The following KIAA0586 variants were observed in gnomAD, a reference collection of about 807,000 sequenced individuals.
KIAA0586 encodes the protein protein TALPID3.
In KIAA0586, 144 loss-of-function variants were observed where a neutral mutation model predicts 169.8. The observed-to-expected ratio is 0.85, with a 90% CI of 0.74 to 0.97. The LOEUF (loss-of-function observed/expected upper bound fraction) is 0.97, where lower values mean the gene tolerates loss of function less well. KIAA0586 is among the 50% of genes least tolerant of loss of function. The probability of loss-of-function intolerance (pLI) is 0.00; values close to 1 mark genes in which losing one functional copy is unlikely to be tolerated. For synonymous variants in KIAA0586, 625 were observed against 612.4 expected (o/e 1.02, Z -0.30); for missense variants, 1,854 against 1,823.0 (o/e 1.02, Z -0.31).
Position 58,460,106 on chromosome 14 carries a change from GT to G in KIAA0586, c.1884+37del, listed in dbSNP as rs1239828254. ...AATCTGTTCTTTTAACATAATTGTT[GT>G]GTTATAATTGATCATTTCCTTTAAG... On this transcript the variant is annotated intron_variant, in intron 13 of 30. Coordinates refer to ENST00000652326, the MANE Select transcript of KIAA0586 (RefSeq NM_001329943.3). 2.5e-6 allele frequency: 3 copies of G among 1,188,500 alleles called. No homozygotes were observed. The East Asian group carries it at 7.7e-5, about 31-fold the overall frequency. 73.6% of individuals were successfully genotyped at this position (1,188,500 alleles called of 1,614,324 possible).
chr14:58,494,114 T>C (rs1261471850), intron 26 of KIAA0586, among the ~76,000 whole-genome samples: 1 of 151,942 alleles, frequency 6.6e-6, no homozygotes, highest in East Asian at 1.9e-4. Context: ...TTTTTTTTTC[T>C]TCCTTTCATT....
At chr14:58,434,739 G>A (rs1294326284) in intron 4 of KIAA0586, among the ~76,000 whole-genome samples, 6 of 152,172 alleles carry the variant, frequency 3.9e-5, no homozygotes, top group African/African-American at 1.4e-4. Context: ...ACCAGCCACT[G>A]TCCTCTGCAC....
intron 26 of KIAA0586, 97 bp from the exon 27 acceptor site, chr14:58,498,686 G>C: frequency 6.0e-6 from 6 of 995,256 alleles, no homozygotes; most frequent in Non-Finnish European, 8.6e-6. Context: ...TACCTTCCAA[G>C]GAGTCAAAGG....
chr14:58,427,532 A>G, upstream of KIAA0586: 2 of 1,498,150 alleles, frequency 1.3e-6, no homozygotes, highest in Non-Finnish European at 1.8e-6. Context: ...GTGCTACCTT[A>G]AAATAAATAA....
In KIAA0586 at chr14:58,427,807, T is replaced by C; in HGVS notation, c.-458T>C. 6.7e-7 allele frequency: 1 copy of C among 1,500,148 alleles called. No individual in the cohort carries two copies. Among genetic ancestry groups the C allele is most frequent in the South Asian group, 1.3e-5 (1 of 78,520 alleles). The allele number at this position is 1,500,148 out of a possible 1,614,324, so 92.9% of individuals were successfully genotyped here. ...AATTTATGTTTCCGACGATTGCATC[T>C]GGAGGGGTGTGTAAGACTCTGTGGC... On this transcript the variant is annotated 5_prime_UTR_variant, in exon 1 of 31. Transcript: ENST00000652326.
intron 28 of KIAA0586, among the ~76,000 whole-genome samples, chr14:58,510,228 G>A (rs868853370): frequency 1.3e-5 from 2 of 152,170 alleles, no homozygotes; most frequent in Middle Eastern, 3.2e-3. Flanking sequence ...AATTAGCTGG[G>A]TGTGGTGGTG....
chr14:58,460,671 G>T (rs2040248503), intron 13 of KIAA0586, among the ~76,000 whole-genome samples: 1 of 152,042 alleles, frequency 6.6e-6, no homozygotes, highest in Admixed American at 6.6e-5. Context: ...AAAGGTTAAG[G>T]TTGTTGTATT....
At position 58,457,884 on chromosome 14, in the gene KIAA0586, C is replaced by A; in HGVS notation, c.1488C>A (p.Asn496Lys). The change falls in exon 11 of 31, where the codon AAC (asparagine) becomes AAA (lysine). Residue 496 changes from asparagine (N) to lysine (K), a missense_variant. Asn to Lys is a moderately conservative substitution (Grantham distance 94, BLOSUM62 0). Coordinates refer to ENST00000652326, the MANE Select transcript of KIAA0586 (RefSeq NM_001329943.3). Reference protein sequence around the residue: ...DAEKILRGVQNNKKVLEENLE... With the variant: ...DAEKILRGVQKNKKVLEENLE... ...AGAAGATTTTGAGAGGAGTACAAAA[C>A]AATAAAAAAGTACTTGAAGAAAACC... 6.2e-7 allele frequency: 1 copy of A among 1,607,058 alleles called. No homozygotes were observed. The highest frequency in any genetic ancestry group is 8.5e-7 in the Non-Finnish European group (1 of 1,176,380).
chr14:58,507,375 TTATA>T (rs1160521584), intron 27 of KIAA0586, among the ~76,000 whole-genome samples: 2 of 147,442 alleles, frequency 1.4e-5, no homozygotes, highest in Non-Finnish European at 3.0e-5. Flanking sequence ...TATATATGAA[TTATA>T]TATATGATTT....
chr14:58,448,886 A>G (rs2039126459), intron 7 of KIAA0586, among the ~76,000 whole-genome samples: 1 of 152,144 alleles, frequency 6.6e-6, no homozygotes, highest in African/African-American at 2.4e-5. Context: ...GACAAACTGC[A>G]TATTTGCTCT....
intron 14 of KIAA0586, chr14:58,463,847 C>A (rs77725109): frequency 0.049 from 12,590 of 256,074 alleles, 654 homozygotes; most frequent in Admixed American, 0.17. Context: ...AAATTAGATA[C>A]ATTAAAAAAT....
chr14:58,442,999 A>T, intron 5 of KIAA0586, 119 bp downstream of exon 5: 1 of 695,496 alleles, frequency 1.4e-6, no homozygotes, highest in Non-Finnish European at 2.3e-6. Flanking sequence ...AGTTGCTCTC[A>T]ATTTGAAAGA....
intron 29 of KIAA0586, among the ~76,000 whole-genome samples, chr14:58,527,570 G>C (rs912093553): frequency 4.6e-5 from 7 of 152,162 alleles, no homozygotes; most frequent in African/African-American, 1.7e-4. Context: ...TTAAATAAAA[G>C]AATTTTCAAC....
At chr14:58,534,082 A>G (rs1010683815) in intron 29 of KIAA0586, among the ~76,000 whole-genome samples, 2 of 152,176 alleles carry the variant, frequency 1.3e-5, no homozygotes, top group African/African-American at 4.8e-5. Context: ...CACAGATAAT[A>G]CAGTATATTT....
Position 58,427,814 on chromosome 14 carries a change from G to C in KIAA0586, c.-451G>C, listed in dbSNP as rs2036956158. The C allele has an allele frequency of 6.7e-7, 1 of 1,492,152 alleles. No homozygotes were observed. 92.4% of individuals were successfully genotyped at this position (1,492,152 alleles called of 1,614,324 possible). A position where few individuals can be genotyped will look rare whatever the true frequency, so the allele number is the denominator to read the frequency against. ...GTTTCCGACGATTGCATCTGGAGGG[G>C]TGTGTAAGACTCTGTGGCTGAAGAA... On this transcript the variant is annotated 5_prime_UTR_variant, in exon 1 of 31. Coordinates refer to ENST00000652326, the MANE Select transcript of KIAA0586 (RefSeq NM_001329943.3).
In KIAA0586 at chr14:58,508,564, A is replaced by T; in HGVS notation, c.4178A>T (p.Tyr1393Phe). The T allele has an allele frequency of 6.3e-7, 1 of 1,581,216 alleles. No homozygotes were observed. The highest frequency in any genetic ancestry group is 8.6e-7 in the Non-Finnish European group (1 of 1,163,372). ...RQFDTVSGSI[Y>F]EDSCASHGPM... ...ACATTTTTGATAACAGGTAGTATTT[A>T]TGAAGATTCATGTGCTAGTCATGGT... Residue 1393 changes from tyrosine (Y) to phenylalanine (F), a missense_variant, in exon 28 of 31, where the codon TAT becomes TTT. Physicochemically the swap from Tyr to Phe is conservative, Grantham distance 22 (BLOSUM62 3). Coordinates refer to ENST00000652326, the MANE Select transcript of KIAA0586 (RefSeq NM_001329943.3).
At chr14:58,507,177 A>ATATG (rs1555398555) in intron 27 of KIAA0586, among the ~76,000 whole-genome samples, 6 of 145,012 alleles carry the variant, frequency 4.1e-5, no homozygotes, top group East Asian at 2.0e-4. Flanking sequence ...ATATATATAT[A>ATATG]TGTGTATGTA....
intron 26 of KIAA0586, among the ~76,000 whole-genome samples, chr14:58,498,238 G>A (rs1180887812): frequency 6.6e-6 from 1 of 151,244 alleles, no homozygotes; most frequent in African/African-American, 2.4e-5. Context: ...GTACAGTCGT[G>A]CAGTCTCGCT....
intron 27 of KIAA0586, among the ~76,000 whole-genome samples, chr14:58,503,559 A>G (rs1035110224): frequency 1.3e-5 from 2 of 152,202 alleles, no homozygotes; most frequent in African/African-American, 4.8e-5. Context: ...CCTGTTCACA[A>G]TGATTTTTTT....
Sources: gnomAD v4.1 joint callset for allele counts (sites outside exome capture counted in the v4.1 genomes callset) on GRCh38, gnomAD v4.1.1 for gene constraint, MANE v1.5 for transcripts, NCBI Gene and HGNC (gene_info 2026-07-23, HGNC 2026-07-21) for gene names.